The following LRRFIP2 variants were observed in gnomAD, a reference collection of about 807,000 sequenced individuals.
LRRFIP2 encodes LRR binding FLII interacting protein 2.
In LRRFIP2, 109 loss-of-function variants were observed where a neutral mutation model predicts 125.9. The observed-to-expected ratio is 0.87, with a 90% confidence interval of 0.74 to 1.01. The LOEUF (loss-of-function observed/expected upper bound fraction) is 1.01, where lower values mean the gene tolerates loss of function less well. Ranked by LOEUF, LRRFIP2 falls within the 50% of genes least tolerant of loss-of-function variation. LRRFIP2 has a pLI of 0.00. For synonymous variants in LRRFIP2, 291 were observed against 293.1 expected, an observed-to-expected ratio of 0.99 and a Z score of 0.07; for missense variants, 850 against 862.3, an observed-to-expected ratio of 0.99 and a Z score of 0.18.
intron 3 of LRRFIP2, among the ~76,000 whole-genome samples, chr3:37,128,827 T>C (rs935020315): frequency 6.6e-6 from 1 of 152,214 alleles, no homozygotes; most frequent in Non-Finnish European, 1.5e-5. Context: ...GAAGCACTCA[T>C]AATACTAGTA....
At chr3:37,107,966 G>T in intron 13 of LRRFIP2, 107 bp downstream of exon 13, 1 of 867,136 alleles carries the variant, frequency 1.2e-6, no homozygotes, top group Non-Finnish European at 1.8e-6. Context: ...CCTAATCCAT[G>T]CACAACAAAG....
At chr3:37,135,546 C>T (rs1273744443) in intron 2 of LRRFIP2, among the ~76,000 whole-genome samples, 1 of 151,544 alleles carries the variant, frequency 6.6e-6, no homozygotes, top group African/African-American at 2.4e-5. Context: ...CCTTTACCAT[C>T]ATAATTTTGT....
intron 21 of LRRFIP2, among the ~76,000 whole-genome samples, chr3:37,069,223 G>A (rs972275572): frequency 6.6e-6 from 1 of 152,198 alleles, no homozygotes; most frequent in Non-Finnish European, 1.5e-5. Context: ...ATATGATCCA[G>A]CAATTCCACT....
intron 24 of LRRFIP2, among the ~76,000 whole-genome samples, chr3:37,061,903 T>A (rs1219776687): frequency 1.3e-5 from 2 of 152,160 alleles, no homozygotes; most frequent in Non-Finnish European, 2.9e-5. Context: ...CTATTCCTCA[T>A]CTTTCCAGGT....
At chr3:37,070,981 C>T (rs927050120) in intron 21 of LRRFIP2, among the ~76,000 whole-genome samples, 16 of 151,786 alleles carry the variant, frequency 1.1e-4, no homozygotes, top group Non-Finnish European at 7.4e-5. Flanking sequence ...CTTTGCCCCA[C>T]GTTTTTTCAC....
At chr3:37,113,844 C>T (rs1410362496) in intron 7 of LRRFIP2, among the ~76,000 whole-genome samples, 1 of 152,236 alleles carries the variant, frequency 6.6e-6, no homozygotes, top group Admixed American at 6.5e-5. Context: ...TAAAAGGGTC[C>T]CTTGAAGACA....
intron 18 of LRRFIP2, among the ~76,000 whole-genome samples, chr3:37,087,614 A>C (rs2093144759): frequency 6.7e-6 from 1 of 149,470 alleles, no homozygotes; most frequent in South Asian, 2.1e-4. Context: ...TTTGAGACGG[A>C]GTCTCACTGT....
chr3:37,077,023 C>T (rs1352539471), intron 19 of LRRFIP2, among the ~76,000 whole-genome samples: 4 of 152,022 alleles, frequency 2.6e-5, no homozygotes, highest in African/African-American at 9.7e-5. Flanking sequence ...AAAATACTAG[C>T]AAAAGTTCAA....
chr3:37,175,901 C>G (rs1479655869), upstream of LRRFIP2: 1 of 152,274 alleles, frequency 6.6e-6, no homozygotes, highest in Non-Finnish European at 1.5e-5. Context: ...CGACCCCAGC[C>G]CGGGAGCCCG....
At chr3:37,160,187 A>C (rs978540774) in intron 1 of LRRFIP2, among the ~76,000 whole-genome samples, 2 of 151,876 alleles carry the variant, frequency 1.3e-5, no homozygotes, top group African/African-American at 4.8e-5. Context: ...ACAGGGAGGG[A>C]GTAGGAAGTG....
intron 16 of LRRFIP2, among the ~76,000 whole-genome samples, chr3:37,095,645 A>T (rs2093679400): frequency 6.6e-6 from 1 of 151,618 alleles, no homozygotes; most frequent in African/African-American, 2.4e-5. Context: ...TATTTTTATT[A>T]TTTTTTTTGA....
chr3:37,118,742 T>C (rs1559926324), intron 6 of LRRFIP2, among the ~76,000 whole-genome samples: 1 of 152,158 alleles, frequency 6.6e-6, no homozygotes, highest in African/African-American at 2.4e-5. Context: ...CATAAATATA[T>C]CCACCTCACA....
At chr3:37,146,308 T>C (rs2095854610) in intron 2 of LRRFIP2, among the ~76,000 whole-genome samples, 1 of 152,260 alleles carries the variant, frequency 6.6e-6, no homozygotes, top group Admixed American at 6.5e-5. Flanking sequence ...GAAAAATATC[T>C]CACTGATTTT....
At chr3:37,059,059 A>G in intron 24 of LRRFIP2, 149 bp from the exon 25 acceptor site, 1 of 910,618 alleles carries the variant, frequency 1.1e-6, no homozygotes, top group Non-Finnish European at 1.6e-6. Context: ...CTAATAGGAG[A>G]CACACATCGT....
chr3:37,121,877 TGTGTGTGTGTA>T (rs1559942582), intron 4 of LRRFIP2, among the ~76,000 whole-genome samples, 186 bp from the exon 5 acceptor site: 3 of 134,488 alleles, frequency 2.2e-5, no homozygotes, highest in Non-Finnish European at 3.4e-5. Context: ...TGTGTGTGTG[TGTGTGTGTGTA>T]AGTTTCAATA....
Position 37,066,240 on chromosome 3 carries a change from G to C in LRRFIP2, c.1550C>G (p.Thr517Arg), listed in dbSNP as rs2090116602. ...CTAACATACCTCTCCCGTCTTCACTGTCTCCTGCAGGTCAGCCAGCTCCTC... is the reference window on the plus strand; with the variant it reads ...CTAACATACCTCTCCCGTCTTCACTCTCTCCTGCAGGTCAGCCAGCTCCTC... The part of the protein sequence containing the change: ...LREELADLQE[T>R]VKTGEKHGLV... The change falls in exon 22 of 28, where the codon ACA (threonine) becomes AGA (arginine). Residue 517 changes from threonine (T) to arginine (R), a missense_variant. Coordinates refer to ENST00000336686, the MANE Select transcript of LRRFIP2 (RefSeq NM_006309.4). 6.2e-7 allele frequency: 1 copy of C among 1,614,000 alleles called. No individual in the cohort carries two copies. Among genetic ancestry groups the C allele is most frequent in the African/African-American group, 1.3e-5 (1 of 75,050 alleles).
intron 1 of LRRFIP2, among the ~76,000 whole-genome samples, chr3:37,159,691 G>C (rs1359637111): frequency 6.6e-6 from 1 of 151,856 alleles, no homozygotes; most frequent in East Asian, 1.9e-4. Flanking sequence ...ATTTTTAATA[G>C]AGATGGGGTT....
rs767636639 is a variant in LRRFIP2, at chr3:37,072,844, T to G, written c.1410A>C (p.Thr470=). 19 of 1,613,256 alleles carry G rather than the reference T, an allele frequency of 1.2e-5. No homozygotes were observed. The highest frequency in any genetic ancestry group is 1.5e-5 in the Non-Finnish European group (18 of 1,179,628). The change falls in exon 21 of 28, where the codon ACA becomes ACC. Residue 470 remains threonine (T), a synonymous_variant. Transcript: ENST00000336686. ...QRMQQKIDTM[T]KEVFDLQETL... ...TCTCCTGGAGGTCAAACACCTCTTT[T>G]GTCATGGTGTCTATTTTCTGCTGCA... is the stretch of plus-strand genomic sequence containing the variant.
chr3:37,087,353 T>C (rs2093122557), intron 18 of LRRFIP2, among the ~76,000 whole-genome samples: 1 of 152,128 alleles, frequency 6.6e-6, no homozygotes, highest in African/African-American at 2.4e-5. Flanking sequence ...AGGAAAAAAG[T>C]CATCACAACT....
Sources: gnomAD v4.1 joint callset for allele counts (sites outside exome capture counted in the v4.1 genomes callset) on GRCh38, gnomAD v4.1.1 for gene constraint, MANE v1.5 for transcripts, NCBI Gene and HGNC (gene_info 2026-07-23, HGNC 2026-07-21) for gene names.